The following AMOTL2 variants were observed in gnomAD, a reference collection of about 807,000 sequenced individuals.
AMOTL2 encodes the protein angiomotin-like protein 2.
A neutral mutation model predicts 78.4 loss-of-function variants in AMOTL2; 33 were observed. The observed-to-expected ratio is 0.42, with a 90% CI of 0.32 to 0.56. The LOEUF (loss-of-function observed/expected upper bound fraction) is 0.56. Ranked by LOEUF, AMOTL2 falls within the 20% of genes least tolerant of loss-of-function variation. The pLI, the probability that AMOTL2 is intolerant of heterozygous loss-of-function variation, is 0.12. For missense variants in AMOTL2, 983 were observed against 1,030.1 expected (o/e 0.95, Z 0.63); for synonymous variants, 422 against 428.8 (o/e 0.98, Z 0.20).
upstream of AMOTL2, chr3:134,374,843 G>A (rs919123068): frequency 7.7e-6 from 9 of 1,168,510 alleles, no homozygotes; most frequent in African/African-American, 1.6e-5. Context: ...CCATCGACGG[G>A]ACGACAGCAA....
Position 134,367,815 on chromosome 3 carries a change from A to C in AMOTL2, c.735-12T>G, listed in dbSNP as rs373326277. On this transcript the variant is annotated splice_polypyrimidine_tract_variant and intron_variant, in intron 2 of 9. Coordinates refer to ENST00000249883, the MANE Select transcript of AMOTL2 (RefSeq NM_016201.4). ...GGGCCTGCAGGATCCTGGGGAACAGAAGAGACGGTGCTCAGAGACAGCACA... is the reference window on the plus strand; with the variant it reads ...GGGCCTGCAGGATCCTGGGGAACAGCAGAGACGGTGCTCAGAGACAGCACA... 1.0e-4 allele frequency: 169 copies of C among 1,612,718 alleles called. No homozygotes were observed. Among genetic ancestry groups the C allele is most frequent in the Non-Finnish European group, 7.5e-5 (88 of 1,179,820 alleles).
chr3:134,374,399 G>A lies in AMOTL2; in HGVS notation c.-119C>T. 1.0e-6 allele frequency: 1 copy of A among 985,220 alleles called. No individual in the cohort carries two copies. The highest frequency in any genetic ancestry group is 1.2e-6 in the Non-Finnish European group (1 of 829,880). 61.0% of individuals were successfully genotyped at this position (985,220 alleles called of 1,614,324 possible). A position where few individuals can be genotyped will look rare whatever the true frequency, so the allele number is the denominator to read the frequency against. ...ACACCACAACCTCCGGCTCGGCCCA[G>A]CTCAGCTCGGCGGCGAAGATGTGTT... On this transcript the variant is annotated 5_prime_UTR_variant, in exon 1 of 10. Coordinates refer to ENST00000249883, the MANE Select transcript of AMOTL2 (RefSeq NM_016201.4).
In AMOTL2 at chr3:134,370,688, G is replaced by A; in HGVS notation, c.734+12C>T. On this transcript the variant is annotated intron_variant, in intron 2 of 9. Transcript: ENST00000249883. ...AGCCAGGAGTTGGAAAGCCCAAGGT[G>A]GGGAGAGTTACCTGACTTCAGCATG... 2 of 1,508,584 alleles carry A rather than the reference G, an allele frequency of 1.3e-6. No homozygotes were observed. The highest frequency in any genetic ancestry group is 8.9e-7 in the Non-Finnish European group (1 of 1,129,174). The allele number at this position is 1,508,584 out of a possible 1,614,324, so 93.4% of individuals were successfully genotyped here.
upstream of AMOTL2, chr3:134,375,186 A>G (rs1303374539): frequency 6.5e-7 from 1 of 1,535,438 alleles, no homozygotes; most frequent in East Asian, 2.4e-5. Flanking sequence ...TGACCCACCT[A>G]CCCAACTGAA....
chr3:134,363,840 A>G (rs1217077638), intron 5 of AMOTL2, among the ~76,000 whole-genome samples: 1 of 152,198 alleles, frequency 6.6e-6, no homozygotes, highest in Non-Finnish European at 1.5e-5. Flanking sequence ...AAGGGGCCGG[A>G]GGACCCAGCC....
At chr3:134,358,029 G>T (rs2017149609) in intron 9 of AMOTL2, among the ~76,000 whole-genome samples, 1 of 152,208 alleles carries the variant, frequency 6.6e-6, no homozygotes, top group African/African-American at 2.4e-5. Flanking sequence ...AGAGCCCTGA[G>T]GGAGGCAGGC....
chr3:134,370,196 T>A (rs752944978), intron 2 of AMOTL2, among the ~76,000 whole-genome samples: 31 of 152,210 alleles, frequency 2.0e-4, no homozygotes, highest in Non-Finnish European at 3.7e-4. Flanking sequence ...GCTCCTGCCC[T>A]GGTGTAAGAT....
In AMOTL2 at chr3:134,359,169, G is replaced by T. The variant is rs1202133193; in HGVS notation, c.2104+114C>A. Reference sequence around the variant, plus strand: ...AATAAGCCAGCTCCCCTGGAAGAGGGTCAGGAAGCCCTGGCTCCTATAGCC... The same window carrying T: ...AATAAGCCAGCTCCCCTGGAAGAGGTTCAGGAAGCCCTGGCTCCTATAGCC... On this transcript the variant is annotated intron_variant, in intron 8 of 9. Transcript: ENST00000249883. The T allele has an allele frequency of 9.3e-6, 11 of 1,178,530 alleles. No individual in the cohort carries two copies. In the East Asian group the frequency reaches 1.4e-4, roughly 15 times the overall value. 73.0% of individuals were successfully genotyped at this position (1,178,530 alleles called of 1,614,324 possible). A position where few individuals can be genotyped will look rare whatever the true frequency, so the allele number is the denominator to read the frequency against.
In AMOTL2 at chr3:134,371,457, G is replaced by A; in HGVS notation, c.-24C>T. ...ATGCTTCTTTGGCTTGCACACAGCT[G>A]CCTGGACAATGGCCGGTGGCACCTG... On this transcript the variant is annotated 5_prime_UTR_variant, in exon 2 of 10. Transcript: ENST00000249883. The A allele has an allele frequency of 6.3e-7, 1 of 1,594,920 alleles. No individual in the cohort carries two copies. The highest frequency in any genetic ancestry group is 8.5e-7 in the Non-Finnish European group (1 of 1,176,020).
At position 134,371,091 on chromosome 3, in the gene AMOTL2, G is replaced by A; in HGVS notation, c.343C>T (p.Gln115Ter). The A allele has an allele frequency of 6.2e-7, 1 of 1,612,418 alleles. No homozygotes were observed. The highest frequency in any genetic ancestry group is 8.5e-7 in the Non-Finnish European group (1 of 1,179,384). The change falls in exon 2 of 10, where the codon CAG (glutamine) becomes TAG (stop). Residue 115 changes from glutamine (Q) to a stop codon, truncating the protein, a stop_gained. Coordinates refer to ENST00000249883, the MANE Select transcript of AMOTL2 (RefSeq NM_016201.4). LOFTEE classifies it high-confidence loss of function. ...CCTGCCTGCTGGGCCGCATAGTACT[G>A]CGAGTGGGCTTTGGCCTCCTCATAG... ...PTYEEAKAHS[Q>*]YYAAQQAGTR... is the part of the protein sequence containing the mutation.
chr3:134,356,731 T>A lies in AMOTL2; in HGVS notation c.*974A>T, dbSNP rs1403622273. The A allele has an allele frequency of 6.6e-6, 1 of 152,610 alleles. No individual in the cohort carries two copies. The highest frequency in any genetic ancestry group is 1.5e-5 in the Non-Finnish European group (1 of 68,042). 9.5% of individuals were successfully genotyped at this position (152,610 alleles called of 1,614,324 possible). The stretch of plus-strand genomic sequence containing the variant: ...GAAGCCCACCTGGGGGCATGGCAGA[T>A]GTCTGTTCACGGTGGCTCATTTCAT... On this transcript the variant is annotated 3_prime_UTR_variant, in exon 10 of 10. Coordinates refer to ENST00000249883, the MANE Select transcript of AMOTL2 (RefSeq NM_016201.4).
At chr3:134,367,318 G>A (rs968050575) in intron 3 of AMOTL2, among the ~76,000 whole-genome samples, 179 bp downstream of exon 3, 3 of 152,212 alleles carry the variant, frequency 2.0e-5, no homozygotes, top group Non-Finnish European at 4.4e-5. Context: ...TTCCCCAGCT[G>A]TCTGGAGTCA....
intron 1 of AMOTL2, 26 bp from the exon 2 acceptor site, chr3:134,371,520 G>C (rs1559804607): frequency 1.1e-5 from 17 of 1,572,906 alleles, no homozygotes; most frequent in East Asian, 2.3e-5. Context: ...GAGAGAGAGA[G>C]AGAAAAGCAA....
chr3:134,371,556 A>G (rs1276039789), intron 1 of AMOTL2, 62 bp from the exon 2 acceptor site: 1 of 1,503,958 alleles, frequency 6.6e-7, no homozygotes, highest in Non-Finnish European at 8.8e-7. Context: ...GGGAAAGGAG[A>G]AGGCTTTCCA....
At chr3:134,374,695 A>G (rs1366589745), upstream of AMOTL2, 4 of 981,238 alleles carry the variant, frequency 4.1e-6, no homozygotes, top group African/African-American at 1.8e-5. Context: ...CTCCGCGCCC[A>G]GCGCCCTCCA....
At chr3:134,372,317 A>G (rs1388966214) in intron 1 of AMOTL2, among the ~76,000 whole-genome samples, 2 of 152,206 alleles carry the variant, frequency 1.3e-5, no homozygotes, top group Admixed American at 6.5e-5. Flanking sequence ...TCATTCTGCA[A>G]GGTGAACAGG....
At position 134,366,280 on chromosome 3, in the gene AMOTL2, C is replaced by T. The variant is rs973705042; in HGVS notation, c.1186+3G>A. The T allele has an allele frequency of 1.2e-6, 2 of 1,613,980 alleles. No individual in the cohort carries two copies. The highest frequency in any genetic ancestry group is 2.7e-5 in the African/African-American group (2 of 75,056). ...AACCTCCACCTGTGTGACTGGCTCT[C>T]ACCTCTAAGATCCCGGTTGAAGTCT... On this transcript the variant is annotated splice_donor_region_variant and intron_variant, in intron 4 of 9. Transcript: ENST00000249883.
chr3:134,371,047 C>T lies in AMOTL2; in HGVS notation c.387G>A (p.Gly129=), dbSNP rs200952865. The T allele has an allele frequency of 1.2e-6, 2 of 1,608,524 alleles. No homozygotes were observed. Among genetic ancestry groups the T allele is most frequent in the East Asian group, 2.2e-5 (1 of 44,626 alleles). The change falls in exon 2 of 10, where the codon GGG becomes GGA. Residue 129 remains glycine, a synonymous_variant. Transcript: ENST00000249883. ...CCGGGGCCCCACGGGGATCTCGGTC[C>T]CCCGCATGTGGCCGGGTCCCTGCCT... The part of the protein sequence containing the change: ...AQQAGTRPHA[G]DRDPRGAPGG...
At chr3:134,371,711 G>A in intron 1 of AMOTL2, 2 of 704,610 alleles carry the variant, frequency 2.8e-6, no homozygotes, top group Admixed American at 3.4e-5. Context: ...TTCTCCACCA[G>A]AAAAATGCAA....
Sources: allele counts gnomAD v4.1 joint callset (sites outside exome capture counted in the v4.1 genomes callset), GRCh38; gene constraint gnomAD v4.1.1; transcripts MANE v1.5; gene names NCBI Gene and HGNC (gene_info 2026-07-23, HGNC 2026-07-21).